CACNB2: variants seen among roughly 807,000 people sequenced by gnomAD.
CACNB2 encodes calcium voltage-gated channel auxiliary subunit beta 2.
In CACNB2, 42 loss-of-function variants were observed where a neutral mutation model predicts 73.3. That is an observed-to-expected ratio of 0.57 (90% CI 0.45 to 0.74). The LOEUF (loss-of-function observed/expected upper bound fraction) is 0.74. Ranked by LOEUF, CACNB2 falls within the 30% of genes least tolerant of loss-of-function variation. The pLI is 0.00. For synonymous variants in CACNB2, 348 were observed against 310.3 expected (o/e 1.12, Z -1.28); for missense variants, 940 against 853.0 (o/e 1.10, Z -1.27).
At chr10:18,153,706 C>T (rs61842440) in intron 2 of CACNB2, among the ~76,000 whole-genome samples, 8,259 of 149,744 alleles carry the variant, frequency 0.055, 361 homozygotes, top group Non-Finnish European at 0.075. Flanking sequence ...CTCAGCCTTG[C>T]GAGTAGCTGG....
At chr10:18,210,436 T>G (rs958352114) in intron 2 of CACNB2, among the ~76,000 whole-genome samples, 1 of 152,082 alleles carries the variant, frequency 6.6e-6, no homozygotes, top group African/African-American at 2.4e-5. Flanking sequence ...AGAATGGTTT[T>G]TTTTCCCATA....
intron 2 of CACNB2, among the ~76,000 whole-genome samples, chr10:18,273,151 A>C (rs2131654134): frequency 1.3e-5 from 2 of 152,192 alleles, no homozygotes; most frequent in South Asian, 4.2e-4. Flanking sequence ...GGCTCCTTGG[A>C]GTCTATCTTT....
At chr10:18,482,376 G>C (rs148469268) in intron 3 of CACNB2, among the ~76,000 whole-genome samples, 1 of 152,190 alleles carries the variant, frequency 6.6e-6, no homozygotes, top group Non-Finnish European at 1.5e-5. Flanking sequence ...CCTCAGGGAA[G>C]TTCAGATTAC....
At chr10:18,433,374 A>G (rs577439748) in intron 3 of CACNB2, among the ~76,000 whole-genome samples, 1 of 152,176 alleles carries the variant, frequency 6.6e-6, no homozygotes, top group Admixed American at 6.5e-5. Flanking sequence ...CATTTCTCAT[A>G]ATTCAATTTT....
chr10:18,164,294 G>A (rs925642292), intron 2 of CACNB2, among the ~76,000 whole-genome samples: 2 of 152,114 alleles, frequency 1.3e-5, no homozygotes, highest in Admixed American at 6.5e-5. Flanking sequence ...ACTAATAGAC[G>A]TTTTCCCTTG....
intron 2 of CACNB2, among the ~76,000 whole-genome samples, chr10:18,251,037 A>T (rs539195250): frequency 6.6e-6 from 1 of 152,094 alleles, no homozygotes; most frequent in African/African-American, 2.4e-5. Flanking sequence ...ATCTGTGTTG[A>T]GTAGTCTTAA....
intron 2 of CACNB2, among the ~76,000 whole-genome samples, chr10:18,392,476 G>C (rs2043524026): frequency 6.6e-6 from 1 of 152,126 alleles, no homozygotes; most frequent in Admixed American, 6.6e-5. Flanking sequence ...ATAGGAGGAA[G>C]TATATTTAAG....
intron 3 of CACNB2, among the ~76,000 whole-genome samples, chr10:18,457,761 A>G (rs1235478652): frequency 1.3e-5 from 2 of 152,094 alleles, no homozygotes; most frequent in African/African-American, 4.8e-5. Flanking sequence ...ATGGTGGCAC[A>G]TGCCTGAAAT....
At chr10:18,176,568 T>G (rs2131183553) in intron 2 of CACNB2, among the ~76,000 whole-genome samples, 1 of 151,670 alleles carries the variant, frequency 6.6e-6, no homozygotes, top group East Asian at 1.9e-4. Context: ...AAGTCACAAT[T>G]CCTATAGTTG....
At chr10:18,472,292 A>C (rs2048233709) in intron 3 of CACNB2, among the ~76,000 whole-genome samples, 1 of 135,044 alleles carries the variant, frequency 7.4e-6, no homozygotes, top group Admixed American at 8.6e-5. Flanking sequence ...GCTGGAATGC[A>C]GTGCTGGGAT....
rs567207701 is a variant in CACNB2 at position 18,251,969 on chromosome 10, A to G, written c.213+100994A>G. Among the ~76,000 whole-genome samples the G allele has an allele frequency of 9.2e-5, 14 of 152,300 alleles. 1 individual carries two copies. In the South Asian group the frequency reaches 2.5e-3, roughly 27 times the overall value. ...GACACAGAGCCAAACCATATCACCC[A>G]GGGATAAAGAGTAATAGTCTTCTTC... is the stretch of plus-strand genomic sequence containing the variant. On this transcript the variant is annotated intron_variant, in intron 2 of 13. Transcript: ENST00000324631.
chr10:18,209,892 CTAGTTCAGA>C (rs1322489227), intron 2 of CACNB2, among the ~76,000 whole-genome samples: 31 of 152,190 alleles, frequency 2.0e-4, no homozygotes, highest in African/African-American at 7.5e-4. Flanking sequence ...AGATAAAATA[CTAGTTCAGA>C]TAGTTTGTCA....
intron 3 of CACNB2, among the ~76,000 whole-genome samples, chr10:18,404,648 G>C (rs1258992190): frequency 6.6e-6 from 1 of 152,164 alleles, no homozygotes; most frequent in African/African-American, 2.4e-5. Context: ...ATAAGTCTGT[G>C]CAGATGACGT....
At position 18,533,992 on chromosome 10, in the gene CACNB2, C is replaced by T. The variant is rs1589740149; in HGVS notation, c.1055-84C>T. 3 of 1,315,706 alleles carry T rather than the reference C, an allele frequency of 2.3e-6. No individual in the cohort carries two copies. The South Asian group carries it at 3.6e-5, about 16-fold the overall frequency. 81.5% of individuals were successfully genotyped at this position (1,315,706 alleles called of 1,614,324 possible). A position where few individuals can be genotyped will look rare whatever the true frequency, so the allele number is the denominator to read the frequency against. On this transcript the variant is annotated intron_variant, in intron 10 of 13. Coordinates refer to ENST00000324631, the MANE Select transcript of CACNB2 (RefSeq NM_201596.3). ...GCATTAACATAATGGCTGACCTACT[C>T]ACCTTTCTGTTGAAGAAACAGTATA...
chr10:18,449,187 G>A (rs890621888), intron 3 of CACNB2, among the ~76,000 whole-genome samples: 7 of 151,966 alleles, frequency 4.6e-5, no homozygotes, highest in Non-Finnish European at 1.0e-4. Flanking sequence ...GATCAAGACC[G>A]TCCTGGCTAA....
chr10:18,203,563 G>A (rs1350607450), intron 2 of CACNB2, among the ~76,000 whole-genome samples: 1 of 152,006 alleles, frequency 6.6e-6, no homozygotes, highest in East Asian at 1.9e-4. Flanking sequence ...CTTAATGAGG[G>A]GGAAACATGA....
chr10:18,524,497 G>A (rs1753861417), intron 9 of CACNB2, among the ~76,000 whole-genome samples: 1 of 150,882 alleles, frequency 6.6e-6, no homozygotes, highest in African/African-American at 2.4e-5. Context: ...TCTACTAAAA[G>A]TACAAAAATT....
chr10:18,539,735 T>G lies in CACNB2; in HGVS notation c.*11T>G. On this transcript the variant is annotated 3_prime_UTR_variant, in exon 14 of 14. Coordinates refer to ENST00000324631, the MANE Select transcript of CACNB2 (RefSeq NM_201596.3). Reference sequence around the variant, plus strand: ...TACATCCGCCAATGAGTTTTGCCCGTTTGTGTTTTTTTTTTTTTTTTTTTG... The same window carrying G: ...TACATCCGCCAATGAGTTTTGCCCGGTTGTGTTTTTTTTTTTTTTTTTTTG... The G allele has an allele frequency of 3.2e-6, 5 of 1,556,546 alleles. No individual in the cohort carries two copies. The South Asian group carries it at 3.6e-5, about 11-fold the overall frequency.
At chr10:18,280,676 C>T (rs902750950) in intron 2 of CACNB2, among the ~76,000 whole-genome samples, 2 of 152,200 alleles carry the variant, frequency 1.3e-5, no homozygotes, top group African/African-American at 4.8e-5. Context: ...CACTACCAGT[C>T]AGTACCTTTA....
Sources: gnomAD v4.1 joint callset for allele counts (sites outside exome capture counted in the v4.1 genomes callset) on GRCh38, gnomAD v4.1.1 for gene constraint, MANE v1.5 for transcripts, NCBI Gene and HGNC (gene_info 2026-07-23, HGNC 2026-07-21) for gene names.